Variants in RDM1 observed in about 807,000 individuals in gnomAD.
RDM1 encodes RAD52 motif-containing protein 1.
A neutral mutation model predicts 27.7 loss-of-function variants in RDM1; 28 were observed. That is an observed-to-expected ratio of 1.01 (90% CI 0.75 to 1.39). RDM1 has a LOEUF of 1.39. Ranked by LOEUF, RDM1 falls within the 40% of genes most tolerant of loss-of-function variation. The pLI is 0.00. For synonymous variants in RDM1, 124 were observed against 127.5 expected (o/e 0.97, Z 0.19); for missense variants, 277 against 337.3 (o/e 0.82, Z 1.40).
intron 6 of RDM1, among the ~76,000 whole-genome samples, chr17:35,919,574 A>G (rs1336078578): frequency 6.6e-6 from 1 of 152,252 alleles, no homozygotes; most frequent in Admixed American, 6.5e-5. Flanking sequence ...GAAAATGTAC[A>G]GTAAAAATAC....
intron 6 of RDM1, among the ~76,000 whole-genome samples, chr17:35,919,243 G>A (rs2702948): frequency 0.23 from 34,777 of 151,918 alleles, 4,813 homozygotes; most frequent in African/African-American, 0.39. Context: ...TTTTTTTAAA[G>A]AATTCCATAT....
At position 35,930,082 on chromosome 17, in the gene RDM1, T is replaced by A. The variant is rs2089274276; in HGVS notation, c.270A>T (p.Pro90=). 6.2e-7 allele frequency: 1 copy of A among 1,613,222 alleles called. No homozygotes were observed. The highest frequency in any genetic ancestry group is 2.2e-5 in the East Asian group (1 of 44,880). The change falls in exon 2 of 7, where the codon CCA becomes CCT. Residue 90 remains proline, a synonymous_variant. Transcript: ENST00000620284. ...CDRKQLFQKS[P]VKVRLGTRHK... is the part of the protein sequence containing the mutation. ...ATTCCATATTTGGACCCACCTTGAC[T>A]GGAGATTTCTGAAAAAGCTGCTTCC...
chr17:35,929,830 G>T (rs2089266168), intron 2 of RDM1, among the ~76,000 whole-genome samples: 1 of 152,224 alleles, frequency 6.6e-6, no homozygotes, highest in African/African-American at 2.4e-5. Flanking sequence ...AAAATGACAT[G>T]AGGTTTAGCA....
In RDM1 at chr17:35,924,659, A is replaced by G. The variant is rs770133979; in HGVS notation, c.513T>C (p.Asp171=). 4.3e-6 allele frequency: 7 copies of G among 1,614,138 alleles called. No homozygotes were observed. The highest frequency in any genetic ancestry group is 3.3e-5 in the South Asian group (3 of 91,074). ...CCAAGCCAATGCCAGGACTCCTGCA[A>G]TCACAGGATGGCAACACCACTTCTA... ...CALEVVLPSC[D]CRSPGIGLVE... The change falls in exon 4 of 7, where the codon GAT becomes GAC. Residue 171 remains aspartate, a synonymous_variant. Coordinates refer to ENST00000620284, the MANE Select transcript of RDM1 (RefSeq NM_145654.4).
chr17:35,929,492 A>C (rs1390455427), intron 2 of RDM1, among the ~76,000 whole-genome samples: 1 of 152,122 alleles, frequency 6.6e-6, no homozygotes, highest in Non-Finnish European at 1.5e-5. Context: ...CCCAGGCTAG[A>C]GTGCAGTGGC....
At chr17:35,921,149 G>C (rs2088931458) in intron 5 of RDM1, among the ~76,000 whole-genome samples, 1 of 152,200 alleles carries the variant, frequency 6.6e-6, no homozygotes. Context: ...GCAAACTAGA[G>C]CCATCAGGCT....
chr17:35,927,472 ACAAAAACC>A (rs1568403407), intron 2 of RDM1, among the ~76,000 whole-genome samples: 1 of 152,124 alleles, frequency 6.6e-6, no homozygotes, highest in Non-Finnish European at 1.5e-5. Context: ...AAACAAAAAA[ACAAAAACC>A]CAAAAAGCAA....
In RDM1 at chr17:35,920,179, TCA is replaced by T; in HGVS notation, c.753+6_753+7del. On this transcript the variant is annotated splice_donor_region_variant and intron_variant, in intron 6 of 6. Coordinates refer to ENST00000620284, the MANE Select transcript of RDM1 (RefSeq NM_145654.4). ...CTATGTTACCCCTGAGTTTTTATCT[TCA>T]CATACTTGAATTAAACCGTGTAGTT... The T allele has an allele frequency of 6.8e-7, 1 of 1,478,956 alleles. No individual in the cohort carries two copies. Among genetic ancestry groups the T allele is most frequent in the Non-Finnish European group, 9.4e-7 (1 of 1,067,400 alleles). The allele number at this position is 1,478,956 out of a possible 1,614,324, so 91.6% of individuals were successfully genotyped here.
intron 3 of RDM1, 65 bp from the exon 4 acceptor site, chr17:35,924,837 A>G: frequency 6.5e-7 from 1 of 1,545,554 alleles, no homozygotes; most frequent in South Asian, 1.2e-5. Flanking sequence ...ATGTTTTGTT[A>G]TTAAAAGTAA....
At position 35,930,060 on chromosome 17, in the gene RDM1, C is replaced by G. The variant is rs368515186; in HGVS notation, c.276+16G>C. The stretch of plus-strand genomic sequence containing the variant: ...CTTCATTTCAGCGGAGCTAGGAATT[C>G]CATATTTGGACCCACCTTGACTGGA... On this transcript the variant is annotated intron_variant, in intron 2 of 6. Coordinates refer to ENST00000620284, the MANE Select transcript of RDM1 (RefSeq NM_145654.4). 6.2e-7 allele frequency: 1 copy of G among 1,604,440 alleles called. No individual in the cohort carries two copies. Among genetic ancestry groups the G allele is most frequent in the African/African-American group, 1.3e-5 (1 of 74,402 alleles).
At chr17:35,929,408 A>G (rs2089251338) in intron 2 of RDM1, among the ~76,000 whole-genome samples, 1 of 152,100 alleles carries the variant, frequency 6.6e-6, no homozygotes, top group Admixed American at 6.5e-5. Flanking sequence ...CTACAGGTGC[A>G]TGCCACATCT....
intron 2 of RDM1, among the ~76,000 whole-genome samples, chr17:35,927,854 G>A (rs535027065): frequency 6.6e-6 from 1 of 152,262 alleles, no homozygotes; most frequent in South Asian, 2.1e-4. Flanking sequence ...CCAAGTAAAT[G>A]TTTCATAATC....
chr17:35,921,567 G>C (rs144909916), intron 5 of RDM1, among the ~76,000 whole-genome samples: 385 of 152,288 alleles, frequency 2.5e-3, no homozygotes, highest in Admixed American at 6.9e-3. Context: ...CAAGGCTCAC[G>C]GCAAAGCAGC....
At chr17:35,923,393 T>C (rs1459399275) in intron 4 of RDM1, among the ~76,000 whole-genome samples, 1 of 145,036 alleles carries the variant, frequency 6.9e-6, no homozygotes, top group African/African-American at 2.6e-5. Flanking sequence ...CAGTGGCTCA[T>C]GCCTGTAATC....
intron 2 of RDM1, 118 bp downstream of exon 2, chr17:35,929,957 AT>A: frequency 4.3e-6 from 4 of 929,708 alleles, no homozygotes; most frequent in Non-Finnish European, 5.0e-6. Flanking sequence ...GAACTGGAAG[AT>A]TAGTGTGGCA....
chr17:35,922,527 A>T (rs770939808), intron 5 of RDM1, 50 bp downstream of exon 5: 23 of 1,587,608 alleles, frequency 1.4e-5, no homozygotes, highest in African/African-American at 2.7e-5. Flanking sequence ...AAATGAGTTT[A>T]TTTGCTTACT....
At chr17:35,923,089 T>C (rs2141934212) in intron 4 of RDM1, among the ~76,000 whole-genome samples, 1 of 151,080 alleles carries the variant, frequency 6.6e-6, no homozygotes, top group East Asian at 2.0e-4. Context: ...CTGAGGCAGG[T>C]GGAGGCCAGG....
In RDM1 at chr17:35,925,610, C is replaced by T. The variant is rs1238805107; in HGVS notation, c.304G>A (p.Val102Ile). ...TTCAGGGCAAGGGCTTGATGTTGAA[C>T]TGCCTTATGTCTGGTGCCAAGACGA... The part of the protein sequence containing the change: ...KVRLGTRHKA[V>I]QHQALALNSS... The change falls in exon 3 of 7, where the codon GTT becomes ATT. Residue 102 changes from valine (V) to isoleucine (I), a missense_variant. Coordinates refer to ENST00000620284, the MANE Select transcript of RDM1 (RefSeq NM_145654.4). 6.2e-7 allele frequency: 1 copy of T among 1,613,958 alleles called. No individual in the cohort carries two copies. The highest frequency in any genetic ancestry group is 8.5e-7 in the Non-Finnish European group (1 of 1,179,864).
chr17:35,921,918 C>CTTTT (rs755056334), intron 5 of RDM1, among the ~76,000 whole-genome samples: 29 of 116,016 alleles, frequency 2.5e-4, no homozygotes, highest in Admixed American at 4.8e-4. Context: ...ATTAAAAAAT[C>CTTTT]TTTTTTTTTT....
Sources: allele counts gnomAD v4.1 joint callset (sites outside exome capture counted in the v4.1 genomes callset), GRCh38; gene constraint gnomAD v4.1.1; transcripts MANE v1.5; gene names NCBI Gene and HGNC (gene_info 2026-07-23, HGNC 2026-07-21).